PARD3: variants seen among roughly 807,000 people sequenced by gnomAD.
PARD3 encodes the protein par-3 family cell polarity regulator.
A neutral mutation model predicts 155.4 loss-of-function variants in PARD3; 75 were observed. The ratio of observed to expected loss-of-function variants is 0.48; its 90% CI spans 0.40 to 0.58. The LOEUF is 0.58. Ranked by LOEUF, PARD3 falls within the 20% of genes least tolerant of loss-of-function variation. PARD3 has a pLI of 0.00. For synonymous variants in PARD3, 576 were observed against 610.5 expected (o/e 0.94, Z 0.83); for missense variants, 1,642 against 1,721.7 (o/e 0.95, Z 0.82).
chr10:34,579,904 T>C (rs1411983443), intron 2 of PARD3, among the ~76,000 whole-genome samples: 1 of 142,138 alleles, frequency 7.0e-6, no homozygotes, highest in Non-Finnish European at 1.5e-5. Context: ...CCATTTTCAC[T>C]ACAGAAAAAA....
chr10:34,441,782 T>C (rs922073130), intron 5 of PARD3, among the ~76,000 whole-genome samples: 2 of 152,206 alleles, frequency 1.3e-5, no homozygotes, highest in African/African-American at 4.8e-5. Context: ...GTTTTGATCA[T>C]TGTTTTTTTA....
rs932203430 is a variant in PARD3 at position 34,445,860 on chromosome 10, C to G, written c.714+4457G>C. ...TCACTCCCCATCCCTGCCCACATAT[C>G]CCTTGCTTAACAGATCTGACTGTGT... On this transcript the variant is annotated intron_variant, in intron 5 of 24. Transcript: ENST00000374788. Among the ~76,000 whole-genome samples, 3 of 151,862 alleles carry G rather than the reference C, an allele frequency of 2.0e-5. No individual in the cohort carries two copies. The South Asian group carries it at 6.2e-4, about 32-fold the overall frequency.
chr10:34,353,232 T>G (rs1838375409), intron 14 of PARD3, among the ~76,000 whole-genome samples: 1 of 152,094 alleles, frequency 6.6e-6, no homozygotes, highest in Non-Finnish European at 1.5e-5. Flanking sequence ...AACAGCTCAT[T>G]GAGAACGGGC....
intron 1 of PARD3, among the ~76,000 whole-genome samples, chr10:34,771,475 G>C (rs1420617477): frequency 6.6e-6 from 1 of 152,230 alleles, no homozygotes; most frequent in Non-Finnish European, 1.5e-5. Context: ...CCATCATCAA[G>C]ATCATGACTA....
At chr10:34,149,481 T>C (rs1210292930) in intron 22 of PARD3, among the ~76,000 whole-genome samples, 1 of 152,096 alleles carries the variant, frequency 6.6e-6, no homozygotes, top group African/African-American at 2.4e-5. Flanking sequence ...ATATGACAAA[T>C]GGTCATAATG....
intron 7 of PARD3, among the ~76,000 whole-genome samples, chr10:34,398,280 C>T (rs896724897): frequency 6.6e-6 from 1 of 152,078 alleles, no homozygotes; most frequent in Admixed American, 6.6e-5. Flanking sequence ...TTCAAATACT[C>T]ATTTAAAAAA....
At chr10:34,353,748 T>A (rs937328606) in intron 14 of PARD3, among the ~76,000 whole-genome samples, 1 of 150,238 alleles carries the variant, frequency 6.7e-6, no homozygotes. Flanking sequence ...AATAAATAAA[T>A]AAAATAAAAA....
At chr10:34,393,002 G>T (rs755967163) in intron 7 of PARD3, among the ~76,000 whole-genome samples, 1 of 151,794 alleles carries the variant, frequency 6.6e-6, no homozygotes, top group African/African-American at 2.4e-5. Context: ...TTTATATCTT[G>T]TCAATGGTTG....
At chr10:34,413,712 C>G (rs1026901972) in intron 5 of PARD3, among the ~76,000 whole-genome samples, 1 of 152,052 alleles carries the variant, frequency 6.6e-6, no homozygotes, top group Non-Finnish European at 1.5e-5. Context: ...TGGCTCTGTT[C>G]TCTATCATTC....
intron 1 of PARD3, among the ~76,000 whole-genome samples, chr10:34,789,554 G>T (rs2134234069): frequency 6.6e-6 from 1 of 151,558 alleles, no homozygotes; most frequent in Non-Finnish European, 1.5e-5. Flanking sequence ...AATACAAAAA[G>T]TTAGCCAGGC....
At chr10:34,305,819 A>C (rs1050243736) in intron 20 of PARD3, among the ~76,000 whole-genome samples, 2 of 152,124 alleles carry the variant, frequency 1.3e-5, no homozygotes, top group African/African-American at 2.4e-5. Flanking sequence ...CTTTACAAAA[A>C]GTAAAAAATT....
chr10:34,539,467 G>C (rs1452018510), intron 2 of PARD3, among the ~76,000 whole-genome samples: 1 of 152,144 alleles, frequency 6.6e-6, no homozygotes, highest in Admixed American at 6.5e-5. Context: ...TCAGGAGTTT[G>C]AGACCAACAT....
chr10:34,612,200 T>A (rs2090962839), intron 2 of PARD3, among the ~76,000 whole-genome samples: 1 of 152,132 alleles, frequency 6.6e-6, no homozygotes, highest in South Asian at 2.1e-4. Flanking sequence ...TACAGAAACA[T>A]AACCATAGGC....
At chr10:34,538,967 A>C (rs1589931793) in intron 2 of PARD3, among the ~76,000 whole-genome samples, 1 of 152,136 alleles carries the variant, frequency 6.6e-6, no homozygotes, top group Admixed American at 6.5e-5. Context: ...AAAATGAAAA[A>C]TTTTTCATAA....
chr10:34,157,713 G>A lies in PARD3; in HGVS notation c.3420-26130C>T, dbSNP rs1285190506. Among the ~76,000 whole-genome samples the A allele has an allele frequency of 2.0e-5, 3 of 152,278 alleles. No individual in the cohort carries two copies. In the East Asian group the frequency reaches 5.8e-4, roughly 29 times the overall value. On this transcript the variant is annotated intron_variant, in intron 22 of 24. Transcript: ENST00000374788. ...GAAACCATCATCTGCTTCCTATAGA[G>A]GGTTCCCTATTCCCAATGACACATG... is the stretch of plus-strand genomic sequence containing the variant.
chr10:34,632,040 G>C (rs991076918), intron 2 of PARD3, among the ~76,000 whole-genome samples: 21 of 152,178 alleles, frequency 1.4e-4, no homozygotes, highest in Admixed American at 1.4e-3. Context: ...CCAGCACTTT[G>C]GAAGGGGGAG....
chr10:34,737,483 T>A (rs941891758), intron 1 of PARD3, among the ~76,000 whole-genome samples: 2 of 152,148 alleles, frequency 1.3e-5, no homozygotes, highest in African/African-American at 4.8e-5. Context: ...GAAAATCCTA[T>A]CCCCTCCCAC....
chr10:34,391,233 TAGAC>T (rs1024273859), intron 7 of PARD3, among the ~76,000 whole-genome samples: 21 of 151,876 alleles, frequency 1.4e-4, no homozygotes, highest in African/African-American at 5.1e-4. Flanking sequence ...CAAGAGAAAG[TAGAC>T]AGATACATGT....
chr10:34,617,878 T>G (rs2091369803), intron 2 of PARD3, among the ~76,000 whole-genome samples: 1 of 152,216 alleles, frequency 6.6e-6, no homozygotes, highest in Non-Finnish European at 1.5e-5. Flanking sequence ...TTTTTTACTT[T>G]TTTATTTCTC....
Sources: allele counts gnomAD v4.1 joint callset (sites outside exome capture counted in the v4.1 genomes callset), GRCh38; gene constraint gnomAD v4.1.1; transcripts MANE v1.5; gene names NCBI Gene and HGNC (gene_info 2026-07-23, HGNC 2026-07-21).